Variants in OSBPL8 observed in about 807,000 individuals in gnomAD.
OSBPL8 encodes oxysterol binding protein like 8.
In OSBPL8, 59 loss-of-function variants were observed where a neutral mutation model predicts 125.5. That is an observed-to-expected ratio of 0.47 (90% CI 0.38 to 0.58). The LOEUF is 0.58. Ranked by LOEUF, OSBPL8 falls within the 20% of genes least tolerant of loss-of-function variation. OSBPL8 has a pLI of 0.00. For synonymous variants in OSBPL8, 330 were observed against 338.9 expected, an observed-to-expected ratio of 0.97 and a Z score of 0.29; for missense variants, 758 against 1,047.8, an observed-to-expected ratio of 0.72 and a Z score of 3.82.
intron 17 of OSBPL8, 152 bp from the exon 18 acceptor site, chr12:76,373,585 T>C: frequency 2.1e-6 from 1 of 468,596 alleles, no homozygotes; most frequent in Non-Finnish European, 3.7e-6. Flanking sequence ...AAATTTTAGT[T>C]AGAAATGTTT....
At chr12:76,401,173 C>T (rs996633271) in intron 6 of OSBPL8, among the ~76,000 whole-genome samples, 2 of 152,064 alleles carry the variant, frequency 1.3e-5, no homozygotes, top group Non-Finnish European at 2.9e-5. Context: ...TTATTATACC[C>T]CCAACCTATT....
At chr12:76,387,359 T>A (rs1217633494) in intron 12 of OSBPL8, among the ~76,000 whole-genome samples, 1 of 152,216 alleles carries the variant, frequency 6.6e-6, no homozygotes, top group Non-Finnish European at 1.5e-5. Context: ...CGGAAGGTTT[T>A]AACCTATTTT....
At chr12:76,495,681 CTGAA>C (rs1443082567) in intron 1 of OSBPL8, among the ~76,000 whole-genome samples, 3 of 151,330 alleles carry the variant, frequency 2.0e-5, no homozygotes. Context: ...AGAAAAACCA[CTGAA>C]TGATTTACAT....
chr12:76,503,568 C>T (rs772711981), intron 1 of OSBPL8, among the ~76,000 whole-genome samples: 2 of 152,132 alleles, frequency 1.3e-5, no homozygotes, highest in Non-Finnish European at 2.9e-5. Flanking sequence ...GACGGAGTCT[C>T]GCTTCTGCCA....
intron 5 of OSBPL8, among the ~76,000 whole-genome samples, chr12:76,409,546 T>C (rs1457058314): frequency 6.6e-6 from 1 of 152,212 alleles, no homozygotes. Flanking sequence ...ATCTTTCTTT[T>C]GTTATGGGGA....
At chr12:76,495,624 A>C (rs898706354) in intron 1 of OSBPL8, among the ~76,000 whole-genome samples, 1 of 151,586 alleles carries the variant, frequency 6.6e-6, no homozygotes, top group African/African-American at 2.4e-5. Context: ...AAAATCATTC[A>C]TAAAAGGCAA....
intron 4 of OSBPL8, among the ~76,000 whole-genome samples, chr12:76,429,879 A>G (rs1051741209): frequency 9.4e-5 from 11 of 116,940 alleles, no homozygotes; most frequent in Non-Finnish European, 1.1e-4. Flanking sequence ...ACTCACAGAC[A>G]AGGGTTTTAA....
chr12:76,539,266 A>G (rs75115446), intron 1 of OSBPL8, among the ~76,000 whole-genome samples: 54 of 152,274 alleles, frequency 3.5e-4, no homozygotes, highest in Middle Eastern at 3.4e-3. Flanking sequence ...CTCTATGCGT[A>G]TTTATGTCTC....
At chr12:76,479,877 A>G (rs1170210988) in intron 2 of OSBPL8, among the ~76,000 whole-genome samples, 1 of 152,156 alleles carries the variant, frequency 6.6e-6, no homozygotes, top group East Asian at 1.9e-4. Context: ...TATAAAAAGA[A>G]TATGAGAGGC....
intron 1 of OSBPL8, among the ~76,000 whole-genome samples, chr12:76,530,219 GCT>G (rs1491199356): frequency 1.1e-4 from 14 of 125,156 alleles, no homozygotes; most frequent in Non-Finnish European, 1.8e-4. Flanking sequence ...ACCGGGCCTG[GCT>G]TTTTTTTTTT....
chr12:76,481,944 T>A (rs1877546600), intron 2 of OSBPL8, among the ~76,000 whole-genome samples: 1 of 152,250 alleles, frequency 6.6e-6, no homozygotes, highest in Admixed American at 6.5e-5. Flanking sequence ...TTTTACTTTA[T>A]GATCACCAAA....
In OSBPL8 at chr12:76,397,912, A is replaced by G. The variant is rs772801529; in HGVS notation, c.469-15T>C. The G allele has an allele frequency of 1.2e-6, 2 of 1,607,674 alleles. No individual in the cohort carries two copies. Among genetic ancestry groups the G allele is most frequent in the African/African-American group, 1.3e-5 (1 of 74,640 alleles). On this transcript the variant is annotated splice_polypyrimidine_tract_variant and intron_variant, in intron 7 of 23. Transcript: ENST00000261183. ...GTACCACGAATCTACAGAAAGATAA[A>G]TTTATTTTAAAAAGGAAGATCTGTT...
chr12:76,504,407 C>T (rs573486207), intron 1 of OSBPL8, among the ~76,000 whole-genome samples: 1 of 152,216 alleles, frequency 6.6e-6, no homozygotes, highest in African/African-American at 2.4e-5. Context: ...ACGGAAACTA[C>T]ATTTTGCAAA....
At chr12:76,474,753 G>A (rs1156918975) in intron 2 of OSBPL8, among the ~76,000 whole-genome samples, 1 of 152,190 alleles carries the variant, frequency 6.6e-6, no homozygotes, top group Non-Finnish European at 1.5e-5. Flanking sequence ...AAAGTGCTGG[G>A]ATTACAGGCG....
intron 1 of OSBPL8, among the ~76,000 whole-genome samples, chr12:76,531,207 C>G (rs1950330640): frequency 6.6e-6 from 1 of 152,134 alleles, no homozygotes; most frequent in African/African-American, 2.4e-5. Flanking sequence ...CCTTATAAAA[C>G]CACCAGAAGT....
At chr12:76,373,454 A>C (rs1223667754) in intron 17 of OSBPL8, 21 bp from the exon 18 acceptor site, 4 of 1,501,366 alleles carry the variant, frequency 2.7e-6, no homozygotes, top group Admixed American at 1.9e-5. Context: ...AGAAAATGTT[A>C]AACATTTTAC....
intron 1 of OSBPL8, among the ~76,000 whole-genome samples, chr12:76,511,943 C>T (rs1484236195): frequency 6.6e-6 from 1 of 152,146 alleles, no homozygotes; most frequent in African/African-American, 2.4e-5. Context: ...ATATGGCTAG[C>T]CAGTTATCCC....
intron 1 of OSBPL8, among the ~76,000 whole-genome samples, chr12:76,519,400 C>T (rs187193359): frequency 1.3e-5 from 2 of 152,218 alleles, no homozygotes; most frequent in African/African-American, 4.8e-5. Flanking sequence ...TGGTCACAAC[C>T]GTTTATCCAG....
chr12:76,459,116 G>A (rs185737374), intron 3 of OSBPL8, among the ~76,000 whole-genome samples: 41 of 152,110 alleles, frequency 2.7e-4, no homozygotes, highest in African/African-American at 7.0e-4. Context: ...CTAACTTCTC[G>A]GATATTTGTG....
Sources: gnomAD v4.1 joint callset for allele counts (sites outside exome capture counted in the v4.1 genomes callset) on GRCh38, gnomAD v4.1.1 for gene constraint, MANE v1.5 for transcripts, NCBI Gene and HGNC (gene_info 2026-07-23, HGNC 2026-07-21) for gene names.